Variants in SERGEF observed in about 807,000 individuals in gnomAD.
SERGEF encodes secretion regulating guanine nucleotide exchange factor.
Under a neutral mutation model 50.0 loss-of-function variants are expected in SERGEF, and 51 were observed. The ratio of observed to expected loss-of-function variants is 1.02; its 90% CI spans 0.81 to 1.29. The LOEUF (loss-of-function observed/expected upper bound fraction) is 1.29. Among genes scored for constraint, SERGEF ranks in the 50% most tolerant of loss-of-function variants. The probability of loss-of-function intolerance (pLI) is 0.00; values close to 1 mark genes in which losing one functional copy is unlikely to be tolerated. For missense variants in SERGEF, 521 were observed against 557.0 expected (o/e 0.94, Z 0.65); for synonymous variants, 205 against 212.4 (o/e 0.97, Z 0.30).
At chr11:17,917,536 A>G (rs1158278935) in intron 9 of SERGEF, among the ~76,000 whole-genome samples, 1 of 152,220 alleles carries the variant, frequency 6.6e-6, no homozygotes, top group Non-Finnish European at 1.5e-5. Flanking sequence ...ATGTAACCAA[A>G]TATCACCTGT....
chr11:17,832,520 G>A (rs758865417), intron 10 of SERGEF, among the ~76,000 whole-genome samples: 2 of 152,210 alleles, frequency 1.3e-5, no homozygotes, highest in Non-Finnish European at 2.9e-5. Context: ...GTGGGCTGCT[G>A]CTGAAGATAC....
intron 9 of SERGEF, among the ~76,000 whole-genome samples, chr11:17,948,872 C>A (rs576031383): frequency 1.1e-3 from 165 of 152,292 alleles, no homozygotes; most frequent in African/African-American, 3.8e-3. Context: ...TTTCTGCTAC[C>A]CATAGCCAGT....
chr11:17,817,586 G>A (rs929998473), intron 10 of SERGEF, among the ~76,000 whole-genome samples: 1 of 152,090 alleles, frequency 6.6e-6, no homozygotes, highest in African/African-American at 2.4e-5. Flanking sequence ...CCATTTTACA[G>A]ACAAGAATGC....
intron 9 of SERGEF, among the ~76,000 whole-genome samples, chr11:17,882,227 C>A (rs1851346472): frequency 6.6e-6 from 1 of 151,984 alleles, no homozygotes; most frequent in Non-Finnish European, 1.5e-5. Flanking sequence ...ACCAGCCTGG[C>A]CAACATGGTG....
At chr11:17,823,623 ACTGAGTAGTGCC>A (rs1186995460) in intron 10 of SERGEF, among the ~76,000 whole-genome samples, 3 of 152,122 alleles carry the variant, frequency 2.0e-5, no homozygotes, top group Non-Finnish European at 4.4e-5. Flanking sequence ...CTAGGCCCAA[ACTGAGTAGTGCC>A]CTACAGTCAA....
chr11:17,908,602 C>A (rs1419931928), intron 9 of SERGEF, among the ~76,000 whole-genome samples: 1 of 152,152 alleles, frequency 6.6e-6, no homozygotes, highest in Admixed American at 6.5e-5. Context: ...ATCTCCTCAA[C>A]CATATTTTAA....
intron 9 of SERGEF, 140 bp from the exon 10 acceptor site, chr11:17,878,384 A>C (rs113530810): frequency 1.9e-5 from 12 of 623,156 alleles, no homozygotes; most frequent in African/African-American, 1.5e-4. Context: ...TCACATACAA[A>C]AGTTAAGATT....
intron 9 of SERGEF, among the ~76,000 whole-genome samples, chr11:17,935,962 C>G (rs1852444497): frequency 6.7e-6 from 1 of 148,962 alleles, no homozygotes; most frequent in Non-Finnish European, 1.5e-5. Context: ...AGATCACTAC[C>G]CATTCAGTCT....
At chr11:17,920,053 C>T (rs1852124021) in intron 9 of SERGEF, among the ~76,000 whole-genome samples, 1 of 151,926 alleles carries the variant, frequency 6.6e-6, no homozygotes, top group Non-Finnish European at 1.5e-5. Flanking sequence ...CGAGACTATC[C>T]TGGCTAAAAC....
intron 9 of SERGEF, among the ~76,000 whole-genome samples, chr11:17,936,876 G>A (rs1852462360): frequency 6.6e-6 from 1 of 152,144 alleles, no homozygotes; most frequent in Non-Finnish European, 1.5e-5. Flanking sequence ...TCCTAAATAT[G>A]TGTCAAGAGC....
intron 9 of SERGEF, among the ~76,000 whole-genome samples, chr11:17,943,663 C>T (rs1433945405): frequency 1.3e-5 from 2 of 152,030 alleles, no homozygotes; most frequent in Non-Finnish European, 2.9e-5. Context: ...TGAATTTAGT[C>T]CTTTTTCTTT....
At chr11:17,791,363 C>A (rs1038212795) in intron 10 of SERGEF, among the ~76,000 whole-genome samples, 4 of 152,170 alleles carry the variant, frequency 2.6e-5, no homozygotes, top group African/African-American at 9.7e-5. Context: ...GAATACTTTT[C>A]AGAAAGGCTA....
intron 9 of SERGEF, chr11:17,918,902 T>C (rs781417905): frequency 3.0e-6 from 1 of 336,724 alleles, no homozygotes; most frequent in African/African-American, 2.2e-5. Flanking sequence ...TCCCCTTAGG[T>C]GAAGCAAAAG....
intron 10 of SERGEF, among the ~76,000 whole-genome samples, chr11:17,804,272 C>T (rs1422810288): frequency 1.3e-5 from 2 of 152,178 alleles, no homozygotes; most frequent in East Asian, 1.9e-4. Flanking sequence ...GAGTTAGACT[C>T]GCTAAATTGT....
chr11:17,894,907 A>G (rs1851592952), intron 9 of SERGEF, among the ~76,000 whole-genome samples: 1 of 152,234 alleles, frequency 6.6e-6, no homozygotes, highest in Non-Finnish European at 1.5e-5. Context: ...CAGATCCCAC[A>G]AGGCCTAGGG....
intron 9 of SERGEF, among the ~76,000 whole-genome samples, chr11:17,945,179 G>T (rs947122414): frequency 3.9e-4 from 60 of 152,184 alleles, no homozygotes; most frequent in Non-Finnish European, 7.4e-5. Flanking sequence ...AACATACATA[G>T]CACAAACCAT....
chr11:17,894,028 A>C (rs1180194457), intron 9 of SERGEF, among the ~76,000 whole-genome samples: 1 of 152,128 alleles, frequency 6.6e-6, no homozygotes, highest in Admixed American at 6.5e-5. Flanking sequence ...TGGTCTTCCT[A>C]AAGTACAAGT....
In SERGEF at chr11:17,911,096, C is replaced by T. The variant is rs557928720; in HGVS notation, c.1012-32852G>A. Among the ~76,000 whole-genome samples the T allele has an allele frequency of 2.6e-5, 4 of 152,196 alleles. No homozygotes were observed. In the East Asian group the frequency reaches 5.8e-4, roughly 22 times the overall value. On this transcript the variant is annotated intron_variant, in intron 9 of 10. Transcript: ENST00000265965. The stretch of plus-strand genomic sequence containing the variant: ...CATGAGATGAATAAGAGAGGAACAT[C>T]AACAAATACTTTTGAAGAACTTAAT...
chr11:17,795,159 G>A (rs1338733111), intron 10 of SERGEF, among the ~76,000 whole-genome samples: 1 of 152,234 alleles, frequency 6.6e-6, no homozygotes, highest in Non-Finnish European at 1.5e-5. Context: ...CTCATAGAGA[G>A]GAGGGCTCTG....
Sources: allele counts gnomAD v4.1 joint callset (sites outside exome capture counted in the v4.1 genomes callset), GRCh38; gene constraint gnomAD v4.1.1; transcripts MANE v1.5; gene names NCBI Gene and HGNC (gene_info 2026-07-23, HGNC 2026-07-21).